The following CELSR1 variants were observed in gnomAD, a reference collection of about 807,000 sequenced individuals.
CELSR1 encodes adhesion G protein-coupled receptor C1.
In CELSR1, 110 loss-of-function variants were observed where a neutral mutation model predicts 249.1. The ratio of observed to expected loss-of-function variants is 0.44; its 90% confidence interval spans 0.38 to 0.52. CELSR1 has a LOEUF of 0.52. CELSR1 is among the 20% of genes least tolerant of loss of function. CELSR1 has a pLI of 0.00. For missense variants in CELSR1, 4,109 were observed against 4,296.4 expected (o/e 0.96, Z 1.22); for synonymous variants, 2,113 against 1,900.0 (o/e 1.11, Z -2.92).
chr22:46,535,375 C>G lies in CELSR1; in HGVS notation c.1796G>C (p.Arg599Pro). Residue 599 changes from arginine to proline, a missense_variant, in exon 1 of 35, where the codon CGG becomes CCG. Coordinates refer to ENST00000674500, the MANE Select transcript of CELSR1 (RefSeq NM_001378328.1). ...CGTGTCCACCAGGCGATAGTGCAGC[C>G]GGGCGTTCTCTCCAGAGTCCGCGTC... is the stretch of plus-strand genomic sequence containing the variant. The part of the protein sequence containing the change: ...AVDADSGENA[R>P]LHYRLVDTAS... 3 of 1,611,794 alleles carry G rather than the reference C, an allele frequency of 1.9e-6. No individual in the cohort carries two copies. Among genetic ancestry groups the G allele is most frequent in the Non-Finnish European group, 2.5e-6 (3 of 1,179,504 alleles).
chr22:46,367,212 G>T, intron 28 of CELSR1, 94 bp from the exon 29 acceptor site: 1 of 1,470,194 alleles, frequency 6.8e-7, no homozygotes, highest in Non-Finnish European at 9.1e-7. Flanking sequence ...AGCCTTGAGT[G>T]CACACAACAT....
intron 1 of CELSR1, among the ~76,000 whole-genome samples, chr22:46,510,676 G>A (rs955451584): frequency 6.6e-6 from 1 of 152,216 alleles, no homozygotes; most frequent in Non-Finnish European, 1.5e-5. Context: ...GGGTTTGGGG[G>A]TGTTTTCCTT....
In CELSR1 at chr22:46,534,710, T is replaced by C; in HGVS notation, c.2461A>G (p.Asn821Asp). 1 of 1,613,432 alleles carries C rather than the reference T, an allele frequency of 6.2e-7. No homozygotes were observed. ...TGAATCACGTAGGTGATGCGGGCAT[T>C]CTCTCCTGTGTCCTCATCGTTGGCA... ...LSANDEDTGE[N>D]ARITYVIQDP... The change falls in exon 1 of 35, where the codon AAT (asparagine) becomes GAT (aspartate). Residue 821 changes from asparagine (N) to aspartate (D), a missense_variant. By Grantham distance (23) the Asn-to-Asp change is conservative (BLOSUM62 1). Coordinates refer to ENST00000674500, the MANE Select transcript of CELSR1 (RefSeq NM_001378328.1). This position sits in a 1 kb window ranked among gnomAD's most constrained non-coding sequence, Gnocchi z 9.7.
chr22:46,536,702 G>C lies in CELSR1; in HGVS notation c.469C>G (p.Arg157Gly). The change falls in exon 1 of 35, where the codon CGC becomes GGC. Residue 157 changes from arginine (R) to glycine (G), a missense_variant. By Grantham distance (125) the Arg-to-Gly change is moderately radical (BLOSUM62 -2). Coordinates refer to ENST00000674500, the MANE Select transcript of CELSR1 (RefSeq NM_001378328.1). ...LAAPTTLPAC[R>G]CPPRPRPRCP... is the part of the protein sequence containing the mutation. ...CGGGGCCTGGGGCGCGGCGGGCAGC[G>C]GCAGGCGGGTAAGGTGGTCGGAGCT... 8.5e-7 allele frequency: 1 copy of C among 1,173,908 alleles called. No individual in the cohort carries two copies. The highest frequency in any genetic ancestry group is 1.0e-6 in the Non-Finnish European group (1 of 952,474). The allele number at this position is 1,173,908 out of a possible 1,614,324, so 72.7% of individuals were successfully genotyped here.
rs1035033713 is a variant in CELSR1 at position 46,444,771 on chromosome 22, C to T, written c.4184-5360G>A. On this transcript the variant is annotated intron_variant, in intron 2 of 34. Coordinates refer to ENST00000674500, the MANE Select transcript of CELSR1 (RefSeq NM_001378328.1). ...AAATCAAGGTATCAGCAGGGCCCAGCTCCCTCTGGAGGCTCCAGGGTGGAT... is the reference window on the plus strand; with the variant it reads ...AAATCAAGGTATCAGCAGGGCCCAGTTCCCTCTGGAGGCTCCAGGGTGGAT... Among the ~76,000 whole-genome samples, 5 of 152,324 alleles carry T rather than the reference C, an allele frequency of 3.3e-5. 1 individual carries two copies. The East Asian group carries it at 7.7e-4, about 24-fold the overall frequency.
rs1274782254 is a variant in CELSR1, at chr22:46,382,040, C to T, written c.6894G>A (p.Leu2298=). ...FRPPEEKEGP[L]LRPAGRRTTP... ...TGGTCCTCCGGCCAGCCGGCCTCAG[C>T]AGGGGGCCTTCTGCAATGTGAGCAG... Residue 2298 remains leucine (L), a synonymous_variant, in exon 21 of 35, where the codon CTG becomes CTA. Coordinates refer to ENST00000674500, the MANE Select transcript of CELSR1 (RefSeq NM_001378328.1). 1 of 1,538,812 alleles carries T rather than the reference C, an allele frequency of 6.5e-7. No individual in the cohort carries two copies. The highest frequency in any genetic ancestry group is 1.4e-5 in the African/African-American group (1 of 73,010).
At chr22:46,479,697 G>A (rs1178043102) in intron 1 of CELSR1, among the ~76,000 whole-genome samples, 2 of 151,892 alleles carry the variant, frequency 1.3e-5, no homozygotes, top group East Asian at 3.9e-4. Context: ...TCACAGCCGG[G>A]AAGCAGCAAA....
At position 46,364,222 on chromosome 22, in the gene CELSR1, G is replaced by A. The variant is rs1211347773; in HGVS notation, c.8809C>T (p.Pro2937Ser). The A allele has an allele frequency of 6.2e-7, 1 of 1,610,454 alleles. No homozygotes were observed. The highest frequency in any genetic ancestry group is 8.5e-7 in the Non-Finnish European group (1 of 1,179,702). The change falls in exon 34 of 35, where the codon CCG becomes TCG. Residue 2937 changes from proline to serine, a missense_variant. Pro to Ser is a moderately conservative substitution (Grantham distance 74). Coordinates refer to ENST00000674500, the MANE Select transcript of CELSR1 (RefSeq NM_001378328.1). Reference sequence around the variant, plus strand: ...GTCTGCTCCGTCAGCGTCAGCGGCGGCGGGTAGGTGACTTTATTTTTCAAG... The same window carrying A: ...GTCTGCTCCGTCAGCGTCAGCGGCGACGGGTAGGTGACTTTATTTTTCAAG... ...GILKNKVTYP[P>S]PLTLTEQTLK...
chr22:46,498,286 T>C lies in CELSR1; in HGVS notation c.3545-33941A>G, dbSNP rs867720954. On this transcript the variant is annotated intron_variant, in intron 1 of 34. Coordinates refer to ENST00000674500, the MANE Select transcript of CELSR1 (RefSeq NM_001378328.1). ...AAAAAAAAAAAAAAAAGCGAAACTC[T>C]GTCTCAAAAAAAAAAAAAAAAAAAA... is the stretch of plus-strand genomic sequence containing the variant. 8.2e-4 allele frequency among the ~76,000 whole-genome samples: 31 copies of C among 37,670 alleles called. 3 individuals are homozygous for C. The highest frequency in any genetic ancestry group is 3.4e-3 in the African/African-American group (24 of 7,086). 24.7% of individuals were successfully genotyped at this position (37,670 alleles called of 152,430 possible).
chr22:46,375,233 C>T (rs1053463454), intron 24 of CELSR1, among the ~76,000 whole-genome samples: 1 of 152,210 alleles, frequency 6.6e-6, no homozygotes, highest in Non-Finnish European at 1.5e-5. Flanking sequence ...ACCGTCTCCA[C>T]CCACGAGTTG....
intron 1 of CELSR1, among the ~76,000 whole-genome samples, chr22:46,494,876 A>C (rs1235891324): frequency 2.0e-5 from 3 of 152,172 alleles, no homozygotes; most frequent in Admixed American, 1.3e-4. Context: ...TGGTTATGTT[A>C]TCTTTTTATA....
intron 24 of CELSR1, among the ~76,000 whole-genome samples, chr22:46,373,531 C>T (rs1023662836): frequency 3.3e-5 from 5 of 151,212 alleles, no homozygotes; most frequent in East Asian, 2.0e-4. Flanking sequence ...GGGGCAGCTT[C>T]GTGCCCAGTG....
chr22:46,369,950 AG>A, intron 25 of CELSR1, 146 bp from the exon 26 acceptor site: 1 of 713,086 alleles, frequency 1.4e-6, no homozygotes, highest in Non-Finnish European at 2.5e-6. Flanking sequence ...GAGCCAGCCC[AG>A]GGCCCCTCCA....
intron 1 of CELSR1, among the ~76,000 whole-genome samples, chr22:46,481,093 G>A (rs377568648): frequency 9.9e-5 from 15 of 151,966 alleles, no homozygotes; most frequent in East Asian, 7.7e-4. Flanking sequence ...AAATTACTTG[G>A]GCATGGTGGT....
At chr22:46,369,096 G>A (rs1317534590) in intron 27 of CELSR1, 83 bp downstream of exon 27, 1 of 1,408,334 alleles carries the variant, frequency 7.1e-7, no homozygotes, top group South Asian at 1.2e-5. Context: ...ACGCTCTCAT[G>A]GGGCCCCACC....
chr22:46,437,111 C>T lies in CELSR1; in HGVS notation c.4407-822G>A, dbSNP rs1238871302. On this transcript the variant is annotated intron_variant, in intron 3 of 34. Coordinates refer to ENST00000674500, the MANE Select transcript of CELSR1 (RefSeq NM_001378328.1). This position sits in a 1 kb window ranked among gnomAD's most constrained non-coding sequence, Gnocchi z 4.9. ...AATGAAAGGAAGAGGCATGAACAGACGCCTGAACATGAACAGGCCTGTCAG... is the reference window on the plus strand; with the variant it reads ...AATGAAAGGAAGAGGCATGAACAGATGCCTGAACATGAACAGGCCTGTCAG... 1.3e-5 allele frequency among the ~76,000 whole-genome samples: 2 copies of T among 152,204 alleles called. No homozygotes were observed. Among genetic ancestry groups the T allele is most frequent in the African/African-American group, 4.8e-5 (2 of 41,450 alleles).
chr22:46,528,293 G>A (rs2080758264), intron 1 of CELSR1, among the ~76,000 whole-genome samples: 2 of 152,216 alleles, frequency 1.3e-5, no homozygotes, highest in South Asian at 2.1e-4. Flanking sequence ...AAGCCTAGAC[G>A]ACTTTATACC....
chr22:46,420,188 A>G, intron 5 of CELSR1, among the ~76,000 whole-genome samples: 1 of 150,988 alleles, frequency 6.6e-6, no homozygotes. Flanking sequence ...TCATACTCAC[A>G]TGTGCACACC....
In CELSR1 at chr22:46,536,851, G is replaced by T. The variant is rs1487407884; in HGVS notation, c.320C>A (p.Ala107Glu). ...TCCGCAGCCGGGAAGGTGCGTGCGC[G>T]CCCGCAGGCGGCGGCTCAGCGCCGT... ...APTALSRRLR[A>E]RTHLPGCGAR... Residue 107 changes from alanine (A) to glutamate (E), a missense_variant, in exon 1 of 35, where the codon GCG becomes GAG. This residue lies in a region of CELSR1 where 673 missense variants were observed against 636.8 expected (regional missense o/e 1.06). Coordinates refer to ENST00000674500, the MANE Select transcript of CELSR1 (RefSeq NM_001378328.1). The T allele has an allele frequency of 9.5e-5, 117 of 1,231,896 alleles. No individual in the cohort carries two copies. The highest frequency in any genetic ancestry group is 1.2e-4 in the Non-Finnish European group (114 of 983,192). 76.3% of individuals were successfully genotyped at this position (1,231,896 alleles called of 1,614,324 possible). A position where few individuals can be genotyped will look rare whatever the true frequency, so the allele number is the denominator to read the frequency against.
Sources: gnomAD v4.1 joint callset for allele counts (sites outside exome capture counted in the v4.1 genomes callset) on GRCh38, gnomAD v4.1.1 for gene constraint, gnomAD v4.1.1 regional missense constraint, Gnocchi (gnomAD v3.1) non-coding constraint, MANE v1.5 for transcripts, NCBI Gene and HGNC (gene_info 2026-07-23, HGNC 2026-07-21) for gene names.